The following LRP1B variants were observed in gnomAD, a reference collection of about 807,000 sequenced individuals.
LRP1B encodes the protein low-density lipoprotein receptor-related protein 1B.
Under a neutral mutation model 556.6 loss-of-function variants are expected in LRP1B, and 217 were observed. The observed-to-expected ratio is 0.39, with a 90% CI of 0.35 to 0.44. The LOEUF (loss-of-function observed/expected upper bound fraction) is 0.44, where lower values mean the gene tolerates loss of function less well. LRP1B is among the 20% of genes least tolerant of loss of function. The pLI is 1.00. For missense variants in LRP1B, 5,053 were observed against 5,620.8 expected, an observed-to-expected ratio of 0.90 and a Z score of 3.23; for synonymous variants, 2,047 against 1,865.8, an observed-to-expected ratio of 1.10 and a Z score of -2.50.
intron 43 of LRP1B, among the ~76,000 whole-genome samples, chr2:140,553,536 A>G (rs1680622335): frequency 6.6e-6 from 1 of 152,036 alleles, no homozygotes; most frequent in African/African-American, 2.4e-5. Context: ...AACCCTCTAG[A>G]TAACTACCTT....
chr2:141,565,222 G>A (rs1005836963), intron 2 of LRP1B, among the ~76,000 whole-genome samples: 2 of 152,202 alleles, frequency 1.3e-5, no homozygotes, highest in Admixed American at 6.5e-5. Context: ...AAGAATGAAT[G>A]AGAACATTTT....
Position 140,573,698 on chromosome 2 carries a change from T to C in LRP1B, c.7194+24933A>G, listed in dbSNP as rs991490841. The stretch of plus-strand genomic sequence containing the variant: ...CTTTAAGAAAACAAAATTGACAGAA[T>C]CTACATGAAACCATGAAATCAACTA... On this transcript the variant is annotated intron_variant, in intron 43 of 90. Coordinates refer to ENST00000389484, the MANE Select transcript of LRP1B (RefSeq NM_018557.3). 2.0e-5 allele frequency among the ~76,000 whole-genome samples: 3 copies of C among 151,944 alleles called. No homozygotes were observed. In the East Asian group the frequency reaches 5.8e-4, roughly 29 times the overall value.
chr2:140,330,949 A>C (rs1405548231), intron 79 of LRP1B, among the ~76,000 whole-genome samples: 2 of 152,134 alleles, frequency 1.3e-5, no homozygotes, highest in Non-Finnish European at 2.9e-5. Context: ...TTTGGCCAAC[A>C]AACATATGAA....
intron 7 of LRP1B, among the ~76,000 whole-genome samples, chr2:141,113,394 GAACT>G (rs1700802599): frequency 6.6e-6 from 1 of 152,100 alleles, no homozygotes; most frequent in Non-Finnish European, 1.5e-5. Context: ...CTTAAAACAA[GAACT>G]CACATGAAGT....
intron 25 of LRP1B, among the ~76,000 whole-genome samples, chr2:140,870,716 TTATA>T (rs1286609462): frequency 6.6e-6 from 1 of 152,132 alleles, no homozygotes; most frequent in Non-Finnish European, 1.5e-5. Context: ...CTTCATTTAA[TTATA>T]TATAGTTTTA....
chr2:141,075,180 G>A (rs1445227033), intron 7 of LRP1B, among the ~76,000 whole-genome samples: 1 of 151,968 alleles, frequency 6.6e-6, no homozygotes. Flanking sequence ...TGACGGATAG[G>A]GAGATACCAG....
chr2:142,024,546 T>C (rs1253584047), intron 1 of LRP1B, among the ~76,000 whole-genome samples: 3 of 152,008 alleles, frequency 2.0e-5, no homozygotes, highest in African/African-American at 7.3e-5. Context: ...AGTTTCTTGA[T>C]TCTTGCTAGA....
intron 1 of LRP1B, among the ~76,000 whole-genome samples, chr2:141,886,306 A>G (rs1212690189): frequency 2.0e-5 from 3 of 152,202 alleles, no homozygotes; most frequent in African/African-American, 2.4e-5. Flanking sequence ...TCTGCAGAAA[A>G]AAAAGCCAAA....
At chr2:140,248,351 GTTAT>G (rs1371017950) in intron 86 of LRP1B, among the ~76,000 whole-genome samples, 1 of 151,548 alleles carries the variant, frequency 6.6e-6, no homozygotes, top group Non-Finnish European at 1.5e-5. Flanking sequence ...TTAGATAAGA[GTTAT>G]TTAATTAATA....
At chr2:141,713,128 T>G (rs964159952) in intron 2 of LRP1B, among the ~76,000 whole-genome samples, 2 of 151,062 alleles carry the variant, frequency 1.3e-5, no homozygotes, top group East Asian at 3.9e-4. Flanking sequence ...CTGTCAGTGG[T>G]CTACCCACCT....
intron 43 of LRP1B, among the ~76,000 whole-genome samples, chr2:140,590,709 G>T (rs1435168199): frequency 6.6e-6 from 1 of 151,986 alleles, no homozygotes; most frequent in Admixed American, 6.6e-5. Context: ...CCTGATGTCA[G>T]AATTCCAGCC....
At chr2:140,763,237 G>A (rs1688991100) in intron 35 of LRP1B, among the ~76,000 whole-genome samples, 1 of 151,984 alleles carries the variant, frequency 6.6e-6, no homozygotes, top group South Asian at 2.1e-4. Flanking sequence ...ACTGTGAATT[G>A]AAGTAACCAT....
intron 2 of LRP1B, among the ~76,000 whole-genome samples, chr2:141,635,890 C>CTCTT (rs1282685513): frequency 6.6e-6 from 1 of 152,112 alleles, no homozygotes; most frequent in African/African-American, 2.4e-5. Flanking sequence ...GTATACAGGT[C>CTCTT]TCTTTCATCT....
rs557701746 is a variant in LRP1B at position 140,852,910 on chromosome 2, A to C, written c.4580-1127T>G. ...TTTTTATAGAACCTATCTAGTAGAA[A>C]AAAGTCACTAGAACTAGGCTACGAA... On this transcript the variant is annotated intron_variant, in intron 27 of 90. Coordinates refer to ENST00000389484, the MANE Select transcript of LRP1B (RefSeq NM_018557.3). Among the ~76,000 whole-genome samples the C allele has an allele frequency of 2.0e-5, 3 of 152,086 alleles. No individual in the cohort carries two copies. The East Asian group carries it at 5.8e-4, about 29-fold the overall frequency.
intron 27 of LRP1B, among the ~76,000 whole-genome samples, chr2:140,859,795 C>A (rs1002117475): frequency 2.0e-5 from 3 of 151,862 alleles, no homozygotes; most frequent in African/African-American, 7.3e-5. Context: ...GAGATCGAGA[C>A]CATCCTGGCT....
At chr2:141,155,776 A>T (rs1199302157) in intron 7 of LRP1B, among the ~76,000 whole-genome samples, 1 of 152,188 alleles carries the variant, frequency 6.6e-6, no homozygotes, top group Non-Finnish European at 1.5e-5. Flanking sequence ...AGTTAACATT[A>T]TGTGATACAA....
In LRP1B at chr2:141,911,366, T is replaced by C. The variant is rs1344765353; in HGVS notation, c.83-100965A>G. On this transcript the variant is annotated intron_variant, in intron 1 of 90. Transcript: ENST00000389484. ...TCTTTCTTGAAAATTCCCGAAGTCATATAAGTAAAAGACTCTTTAGCACTG... is the reference window on the plus strand; with the variant it reads ...TCTTTCTTGAAAATTCCCGAAGTCACATAAGTAAAAGACTCTTTAGCACTG... 2.6e-5 allele frequency among the ~76,000 whole-genome samples: 4 copies of C among 152,288 alleles called. No individual in the cohort carries two copies. The East Asian group carries it at 7.7e-4, about 29-fold the overall frequency.
At chr2:142,058,365 T>G (rs539802233) in intron 1 of LRP1B, among the ~76,000 whole-genome samples, 75 of 152,244 alleles carry the variant, frequency 4.9e-4, no homozygotes, top group African/African-American at 1.7e-3. Context: ...GCCCTGTTCT[T>G]GCCTCCACCT....
chr2:141,212,605 C>CA (rs546592321), intron 6 of LRP1B, among the ~76,000 whole-genome samples: 16 of 151,360 alleles, frequency 1.1e-4, no homozygotes, highest in South Asian at 4.2e-4. Context: ...TTCTAAATAG[C>CA]AAAAAAACAA....
Sources: gnomAD v4.1 joint callset for allele counts (sites outside exome capture counted in the v4.1 genomes callset) on GRCh38, gnomAD v4.1.1 for gene constraint, MANE v1.5 for transcripts, NCBI Gene and HGNC (gene_info 2026-07-23, HGNC 2026-07-21) for gene names.